ABTB3: variants seen among roughly 807,000 people sequenced by gnomAD.
ABTB3 encodes the protein ankyrin repeat and BTB domain containing 3.
chr12:107,353,841 G>T, the ABTB3 span, among the ~76,000 whole-genome samples: 1 of 152,126 alleles, frequency 6.6e-6, no homozygotes, highest in Non-Finnish European at 1.5e-5. Flanking sequence ...AGAATCTAAT[G>T]CCTGATGATC....
the ABTB3 span, among the ~76,000 whole-genome samples, chr12:107,540,073 C>T: frequency 6.6e-6 from 1 of 152,258 alleles, no homozygotes. Flanking sequence ...GATATAACCC[C>T]CTGCGTTAGT....
At chr12:107,355,704 G>T in the ABTB3 span, among the ~76,000 whole-genome samples, 1 of 152,202 alleles carries the variant, frequency 6.6e-6, no homozygotes, top group Admixed American at 6.5e-5. Context: ...ATAACTTTAT[G>T]CAAGAAGAAA....
chr12:107,511,496 G>A, the ABTB3 span, among the ~76,000 whole-genome samples: 1 of 151,850 alleles, frequency 6.6e-6, no homozygotes, highest in Non-Finnish European at 1.5e-5. Context: ...ACTGTCCATT[G>A]GTCTAGGAGA....
chr12:107,585,993 G>A, the ABTB3 span, among the ~76,000 whole-genome samples: 1 of 152,212 alleles, frequency 6.6e-6, no homozygotes. Context: ...TCACTGAGGT[G>A]ATGCAGATGG....
the ABTB3 span, among the ~76,000 whole-genome samples, chr12:107,655,576 G>A: frequency 1.3e-5 from 2 of 152,188 alleles, no homozygotes; most frequent in Admixed American, 1.3e-4. Context: ...CAACACTTGC[G>A]TTTGTAACTC....
At chr12:107,347,538 C>T in the ABTB3 span, among the ~76,000 whole-genome samples, 1,008 of 152,258 alleles carry the variant, frequency 6.6e-3, 12 homozygotes, top group African/African-American at 0.023. Context: ...CCCCCTCTTT[C>T]TACATTGCGT....
At chr12:107,547,214 A>T in the ABTB3 span, among the ~76,000 whole-genome samples, 2 of 145,268 alleles carry the variant, frequency 1.4e-5, no homozygotes, top group Non-Finnish European at 3.0e-5. Flanking sequence ...GAGAAGAAGG[A>T]GAAGGGGGAG....
At chr12:107,444,407 C>A in the ABTB3 span, among the ~76,000 whole-genome samples, 10 of 152,262 alleles carry the variant, frequency 6.6e-5, no homozygotes, top group South Asian at 2.1e-3. Flanking sequence ...CTGTTTTAAC[C>A]CTATGACCAG....
the ABTB3 span, among the ~76,000 whole-genome samples, chr12:107,325,065 C>T: frequency 1.3e-5 from 2 of 152,186 alleles, no homozygotes; most frequent in Admixed American, 6.5e-5. Flanking sequence ...AGTAGGCACT[C>T]GATAATAATG....
At chr12:107,461,032 G>A in the ABTB3 span, among the ~76,000 whole-genome samples, 1 of 152,146 alleles carries the variant, frequency 6.6e-6, no homozygotes, top group African/African-American at 2.4e-5. Flanking sequence ...AGTTCCTCAG[G>A]GCTGGGGAGG....
At chr12:107,488,821 G>C in the ABTB3 span, among the ~76,000 whole-genome samples, 1 of 152,078 alleles carries the variant, frequency 6.6e-6, no homozygotes, top group Non-Finnish European at 1.5e-5. Flanking sequence ...ACCAAGAGGA[G>C]AGAAAAGCTC....
chr12:107,534,000 A>G, the ABTB3 span, among the ~76,000 whole-genome samples: 3 of 152,224 alleles, frequency 2.0e-5, no homozygotes, highest in Non-Finnish European at 2.9e-5. Context: ...ACTAAACAAC[A>G]TGCTTCTAAA....
At chr12:107,424,845 T>G in the ABTB3 span, among the ~76,000 whole-genome samples, 1 of 152,134 alleles carries the variant, frequency 6.6e-6, no homozygotes, top group Non-Finnish European at 1.5e-5. Flanking sequence ...CCTGCATATC[T>G]GCCACTTTCA....
chr12:107,613,435 C>G, the ABTB3 span, among the ~76,000 whole-genome samples: 94 of 152,290 alleles, frequency 6.2e-4, no homozygotes, highest in African/African-American at 2.2e-3. Flanking sequence ...CATGTCCCCC[C>G]AGAAACCCTC....
chr12:107,587,354 T>C, the ABTB3 span, among the ~76,000 whole-genome samples: 2 of 152,082 alleles, frequency 1.3e-5, no homozygotes, highest in African/African-American at 4.8e-5. Flanking sequence ...GAGTCAGTGA[T>C]CCACGTGAGA....
the ABTB3 span, among the ~76,000 whole-genome samples, chr12:107,437,032 T>A: frequency 6.6e-6 from 1 of 151,420 alleles, no homozygotes; most frequent in East Asian, 1.9e-4. Flanking sequence ...AGTAGAAGAG[T>A]CATCCTTGAA....
the ABTB3 span, among the ~76,000 whole-genome samples, chr12:107,469,952 CTTTCTTTCTT>C: frequency 7.4e-4 from 45 of 60,688 alleles, 1 homozygote; most frequent in African/African-American, 2.1e-3. Flanking sequence ...CTCTTTCTTT[CTTTCTTTCTT>C]TCTTTCTTTC....
the ABTB3 span, among the ~76,000 whole-genome samples, chr12:107,542,879 A>G: frequency 6.6e-6 from 1 of 152,240 alleles, no homozygotes; most frequent in African/African-American, 2.4e-5. Context: ...CATCCTTGTC[A>G]TCTTCATGTT....
At chr12:107,635,459 C>T in the ABTB3 span, 1 of 1,454,416 alleles carries the variant, frequency 6.9e-7, no homozygotes, top group Non-Finnish European at 9.6e-7. Context: ...CAAAGAATGC[C>T]ATAAGGAATG....
Sources: gnomAD v4.1 joint callset for allele counts (sites outside exome capture counted in the v4.1 genomes callset) on GRCh38, gnomAD v4.1.1 for gene constraint, MANE v1.5 for transcripts, NCBI Gene and HGNC (gene_info 2026-07-23, HGNC 2026-07-21) for gene names.